Variants in RABEP1 observed in about 807,000 individuals in gnomAD.
The protein encoded by RABEP1 is rab GTPase-binding effector protein 1.
Under a neutral mutation model 123.4 loss-of-function variants are expected in RABEP1, and 51 were observed. The observed-to-expected ratio is 0.41, with a 90% CI of 0.33 to 0.52. The LOEUF (loss-of-function observed/expected upper bound fraction) is 0.52. Ranked by LOEUF, RABEP1 falls within the 20% of genes least tolerant of loss-of-function variation. The pLI is 0.16. For missense variants in RABEP1, 888 were observed against 996.3 expected, an observed-to-expected ratio of 0.89 and a Z score of 1.46; for synonymous variants, 347 against 355.2, an observed-to-expected ratio of 0.98 and a Z score of 0.26.
At chr17:5,382,740 A>G (rs1281402505) in intron 17 of RABEP1, among the ~76,000 whole-genome samples, 3 of 151,788 alleles carry the variant, frequency 2.0e-5, no homozygotes, top group Admixed American at 6.6e-5. Context: ...TGACGGAGCA[A>G]TACTCCATCT....
chr17:5,358,770 T>G (rs1909244693), intron 8 of RABEP1, among the ~76,000 whole-genome samples: 1 of 152,202 alleles, frequency 6.6e-6, no homozygotes, highest in African/African-American at 2.4e-5. Flanking sequence ...GTTTTGTGTT[T>G]TTTGAGACAG....
At chr17:5,317,566 G>A (rs181469382) in intron 2 of RABEP1, among the ~76,000 whole-genome samples, 135 of 151,396 alleles carry the variant, frequency 8.9e-4, no homozygotes, top group Non-Finnish European at 1.1e-3. Flanking sequence ...GAGGATCTAT[G>A]TAGGGCACTT....
chr17:5,378,928 A>G (rs867446639), intron 15 of RABEP1, among the ~76,000 whole-genome samples: 3 of 151,984 alleles, frequency 2.0e-5, no homozygotes, highest in African/African-American at 7.2e-5. Context: ...ACCTGTCCCT[A>G]TGGTCTTTGA....
At chr17:5,282,582 G>A (rs2074936170) in intron 1 of RABEP1, 62 bp downstream of exon 1, 1 of 1,083,874 alleles carries the variant, frequency 9.2e-7, no homozygotes, top group Admixed American at 4.7e-5. Context: ...CGTCGCGGGA[G>A]GATTTCGGGG....
At chr17:5,365,586 A>G (rs1357224798) in intron 11 of RABEP1, among the ~76,000 whole-genome samples, 2 of 152,080 alleles carry the variant, frequency 1.3e-5, no homozygotes, top group Non-Finnish European at 2.9e-5. Context: ...AAAAAAACAT[A>G]TACAGATACA....
chr17:5,328,519 G>T (rs1293110416), intron 2 of RABEP1, among the ~76,000 whole-genome samples: 4 of 151,888 alleles, frequency 2.6e-5, no homozygotes, highest in African/African-American at 9.7e-5. Context: ...ATTGGCATGT[G>T]CCTATAGTCC....
chr17:5,350,540 C>T lies in RABEP1; in HGVS notation c.874C>T (p.Arg292Cys), dbSNP rs773326010. 6 of 1,614,078 alleles carry T rather than the reference C, an allele frequency of 3.7e-6. No individual in the cohort carries two copies. Among genetic ancestry groups the T allele is most frequent in the Non-Finnish European group, 5.1e-6 (6 of 1,180,000 alleles). ...KANDQFLESQ[R>C]LLMRDMQRME... ...CAATGACCAGTTTCTGGAATCTCAG[C>T]GTTTACTGATGAGAGACATGCAGCG... The change falls in exon 7 of 18, where the codon CGT (arginine) becomes TGT (cysteine). Residue 292 changes from arginine (R) to cysteine (C), a missense_variant. Physicochemically the swap from Arg to Cys is radical, Grantham distance 180 (BLOSUM62 -3). Transcript: ENST00000537505.
At chr17:5,367,642 C>T (rs986875543) in intron 11 of RABEP1, among the ~76,000 whole-genome samples, 4 of 151,144 alleles carry the variant, frequency 2.6e-5, no homozygotes, top group Admixed American at 2.0e-4. Context: ...ATCCACCTTT[C>T]CCCCATTGCT....
intron 3 of RABEP1, among the ~76,000 whole-genome samples, chr17:5,334,367 G>A (rs920613845): frequency 6.6e-6 from 1 of 152,064 alleles, no homozygotes; most frequent in African/African-American, 2.4e-5. Flanking sequence ...GAGTAGCTGG[G>A]ACTACAGGTG....
intron 1 of RABEP1, among the ~76,000 whole-genome samples, chr17:5,293,294 C>CAA (rs879454476): frequency 6.9e-6 from 1 of 145,698 alleles, no homozygotes; most frequent in Non-Finnish European, 1.5e-5. Context: ...TCTCCCCCCT[C>CAA]AAAAAAAAAA....
intron 2 of RABEP1, among the ~76,000 whole-genome samples, chr17:5,330,126 A>G (rs1423840235): frequency 9.2e-5 from 14 of 152,184 alleles, no homozygotes; most frequent in Admixed American, 8.5e-4. Flanking sequence ...ACATTTTATG[A>G]AACAGTTTAA....
chr17:5,301,198 A>C (rs891292051), intron 1 of RABEP1, among the ~76,000 whole-genome samples: 1 of 152,086 alleles, frequency 6.6e-6, no homozygotes, highest in African/African-American at 2.4e-5. Flanking sequence ...CAGGAGCTAG[A>C]CCTATACCAC....
chr17:5,381,747 C>T (rs973656110), intron 17 of RABEP1: 1 of 417,906 alleles, frequency 2.4e-6, no homozygotes. Flanking sequence ...AGTACTGACT[C>T]CTTAGCATAC....
chr17:5,330,861 A>G (rs1906466838), intron 2 of RABEP1, among the ~76,000 whole-genome samples: 1 of 152,026 alleles, frequency 6.6e-6, no homozygotes, highest in Non-Finnish European at 1.5e-5. Context: ...TGTCTCTACA[A>G]GAAATTTCAA....
intron 4 of RABEP1, among the ~76,000 whole-genome samples, 192 bp downstream of exon 4, chr17:5,335,536 G>A (rs1291406451): frequency 1.3e-5 from 2 of 152,006 alleles, no homozygotes; most frequent in East Asian, 3.8e-4. Flanking sequence ...TCACATTTTT[G>A]ATCAAATATC....
intron 3 of RABEP1, among the ~76,000 whole-genome samples, chr17:5,332,713 AT>A (rs1363785762): frequency 6.7e-6 from 1 of 149,204 alleles, no homozygotes; most frequent in Non-Finnish European, 1.5e-5. Flanking sequence ...GGCTCAAGCG[AT>A]TCTCCTGCCT....
At position 5,328,645 on chromosome 17, in the gene RABEP1, TAAA is replaced by T. The variant is rs60062792; in HGVS notation, c.164-3280_164-3278del. On this transcript the variant is annotated intron_variant, in intron 2 of 17. Coordinates refer to ENST00000537505, the MANE Select transcript of RABEP1 (RefSeq NM_004703.6). ...TGGGCGATAGAGTGAGACGCTGTGT[TAAA>T]AAAAAAAAAAAAAAAAAAAAAAAGC... 3.0e-4 allele frequency among the ~76,000 whole-genome samples: 16 copies of T among 54,120 alleles called. No individual in the cohort carries two copies. The East Asian group carries it at 6.0e-3, about 20-fold the overall frequency. 35.5% of individuals were successfully genotyped at this position (54,120 alleles called of 152,430 possible).
chr17:5,307,913 A>T (rs1465366780), intron 1 of RABEP1, among the ~76,000 whole-genome samples: 1 of 152,184 alleles, frequency 6.6e-6, no homozygotes, highest in Non-Finnish European at 1.5e-5. Flanking sequence ...GTATAATGGT[A>T]ATGGATCATT....
intron 5 of RABEP1, among the ~76,000 whole-genome samples, chr17:5,343,605 A>C (rs1051441429): frequency 6.0e-5 from 9 of 150,998 alleles, no homozygotes; most frequent in African/African-American, 2.2e-4. Flanking sequence ...AAGTCGTACT[A>C]TCTGATAGGT....
Sources: allele counts gnomAD v4.1 joint callset (sites outside exome capture counted in the v4.1 genomes callset), GRCh38; gene constraint gnomAD v4.1.1; transcripts MANE v1.5; gene names NCBI Gene and HGNC (gene_info 2026-07-23, HGNC 2026-07-21).